C11orf52: variants seen among roughly 807,000 people sequenced by gnomAD.
The protein encoded by C11orf52 is chromosome 11 open reading frame 52.
A neutral mutation model predicts 11.7 loss-of-function variants in C11orf52; 9 were observed. That is an observed-to-expected ratio of 0.77 (90% confidence interval 0.46 to 1.34). C11orf52 has a LOEUF of 1.34. Among genes scored for constraint, C11orf52 ranks in the 40% most tolerant of loss-of-function variants. C11orf52 has a pLI of 0.00. For synonymous variants in C11orf52, 49 were observed against 57.4 expected, an observed-to-expected ratio of 0.85 and a Z score of 0.66; for missense variants, 139 against 154.8, an observed-to-expected ratio of 0.90 and a Z score of 0.54.
chr11:111,925,952 C>A lies in C11orf52; in HGVS notation c.133-8C>A. On this transcript the variant is annotated splice_polypyrimidine_tract_variant and splice_region_variant and intron_variant, in intron 3 of 3. Transcript: ENST00000278601. Reference sequence around the variant, plus strand: ...TGAATCTCCCTTAATGCTATCCATTCCTCGCAGGGCCATGAAACAACAGGA... The same window carrying A: ...TGAATCTCCCTTAATGCTATCCATTACTCGCAGGGCCATGAAACAACAGGA... 6.2e-7 allele frequency: 1 copy of A among 1,614,132 alleles called. No individual in the cohort carries two copies. The highest frequency in any genetic ancestry group is 1.6e-4 in the Middle Eastern group (1 of 6,062).
At position 111,926,106 on chromosome 11, in the gene C11orf52, A is replaced by G. The variant is rs782682090; in HGVS notation, c.279A>G (p.Lys93=). The G allele has an allele frequency of 1.2e-6, 2 of 1,614,088 alleles. No individual in the cohort carries two copies. Among genetic ancestry groups the G allele is most frequent in the African/African-American group, 2.7e-5 (2 of 74,932 alleles). The change falls in exon 4 of 4, where the codon AAA becomes AAG. Residue 93 remains lysine (K), a synonymous_variant. Coordinates refer to ENST00000278601, the MANE Select transcript of C11orf52 (RefSeq NM_080659.3). ...GCCGTCCCCATGCCCGGGAAGTGAA[A>G]CACGTGCATTTAGAAAACGCTACAG... ...VCSRPHAREV[K]HVHLENATEY...
intron 1 of C11orf52, among the ~76,000 whole-genome samples, chr11:111,922,829 T>C (rs1386992067): frequency 2.0e-5 from 3 of 152,260 alleles, no homozygotes; most frequent in African/African-American, 7.2e-5. Context: ...TACACATTTA[T>C]GTTTAAGGAT....
In C11orf52 at chr11:111,918,983, G is replaced by A. The variant is rs782058169; in HGVS notation, c.11G>A (p.Arg4Gln). 13 of 1,614,086 alleles carry A rather than the reference G, an allele frequency of 8.1e-6. No homozygotes were observed. The East Asian group carries it at 2.7e-4, about 33-fold the overall frequency. Residue 4 changes from arginine (R) to glutamine (Q), a missense_variant, in exon 1 of 4, where the codon CGG becomes CAG. Arg to Gln is a conservative substitution (Grantham distance 43, BLOSUM62 1). Coordinates refer to ENST00000278601, the MANE Select transcript of C11orf52 (RefSeq NM_080659.3). MGN[R>Q]VCCGGSWSCP... is the part of the protein sequence containing the mutation. ...TGGAGACAGAGCGCCATGGGAAACC[G>A]GGTCTGCTGCGGAGGAAGCTGGTGA... is the stretch of plus-strand genomic sequence containing the variant.
chr11:111,924,296 C>T, intron 1 of C11orf52, 30 bp from the exon 2 acceptor site: 1 of 1,610,406 alleles, frequency 6.2e-7, no homozygotes. Context: ...AGGGCTCTTG[C>T]ACATGGGTGA....
At chr11:111,920,704 C>T (rs1212776064) in intron 1 of C11orf52, among the ~76,000 whole-genome samples, 1 of 152,082 alleles carries the variant, frequency 6.6e-6, no homozygotes, top group East Asian at 1.9e-4. Context: ...GTAGAGGCTG[C>T]AGTGAACCAT....
At chr11:111,920,257 C>T (rs1421500108) in intron 1 of C11orf52, among the ~76,000 whole-genome samples, 2 of 151,820 alleles carry the variant, frequency 1.3e-5, no homozygotes, top group Non-Finnish European at 2.9e-5. Flanking sequence ...CAGAAGTGGT[C>T]GGATGCAGTG....
At chr11:111,920,582 A>G (rs1160221703) in intron 1 of C11orf52, among the ~76,000 whole-genome samples, 1 of 151,714 alleles carries the variant, frequency 6.6e-6, no homozygotes, top group Non-Finnish European at 1.5e-5. Context: ...TGGGCAACAT[A>G]GGGTGGCCCC....
Position 111,925,719 on chromosome 11 carries a change from T to G in C11orf52, c.132+5T>G. The G allele has an allele frequency of 6.2e-7, 1 of 1,614,168 alleles. No individual in the cohort carries two copies. Among genetic ancestry groups the G allele is most frequent in the Non-Finnish European group, 8.5e-7 (1 of 1,179,992 alleles). On this transcript the variant is annotated splice_donor_5th_base_variant and intron_variant, in intron 3 of 3. Transcript: ENST00000278601. ...CTGCAGCAGAATCTCCCAAAGGTAA[T>G]GACAGGTCTCTGTCCCCTCTCTGGG...
chr11:111,925,882 A>G (rs1288110515), intron 3 of C11orf52, 78 bp from the exon 4 acceptor site: 2 of 1,599,446 alleles, frequency 1.3e-6, no homozygotes, highest in African/African-American at 1.3e-5. Flanking sequence ...AAGGGACATC[A>G]GTTGACCTGC....
intron 2 of C11orf52, among the ~76,000 whole-genome samples, chr11:111,924,695 A>C (rs890470995): frequency 1.3e-5 from 2 of 152,262 alleles, no homozygotes; most frequent in African/African-American, 4.8e-5. Flanking sequence ...CAGCCCTGGA[A>C]GAGCTGAAAA....
chr11:111,918,929 C>G lies in C11orf52; in HGVS notation c.-44C>G. ...CAGGAACCCGGAAATGCACAAGCCT[C>G]TTGATGCATAAAAACAGCTGGGCTC... On this transcript the variant is annotated 5_prime_UTR_variant, in exon 1 of 4. Coordinates refer to ENST00000278601, the MANE Select transcript of C11orf52 (RefSeq NM_080659.3). 6.2e-7 allele frequency: 1 copy of G among 1,612,072 alleles called. No homozygotes were observed. Among genetic ancestry groups the G allele is most frequent in the Non-Finnish European group, 8.5e-7 (1 of 1,178,184 alleles).
At chr11:111,921,454 A>G (rs1965697405) in intron 1 of C11orf52, among the ~76,000 whole-genome samples, 2 of 152,204 alleles carry the variant, frequency 1.3e-5, no homozygotes, top group African/African-American at 4.8e-5. Context: ...CATCATGGAA[A>G]ATTTTACTCT....
At chr11:111,924,743 G>A (rs1358177513) in intron 2 of C11orf52, among the ~76,000 whole-genome samples, 2 of 152,202 alleles carry the variant, frequency 1.3e-5, no homozygotes, top group African/African-American at 2.4e-5. Context: ...ACAAACAGTT[G>A]TAATATCATC....
At chr11:111,920,119 C>T (rs1302861944) in intron 1 of C11orf52, among the ~76,000 whole-genome samples, 2 of 152,000 alleles carry the variant, frequency 1.3e-5, no homozygotes, top group Admixed American at 6.6e-5. Context: ...CCCTTGAACC[C>T]AGGAGACGGA....
At chr11:111,922,339 A>G (rs1318131969) in intron 1 of C11orf52, among the ~76,000 whole-genome samples, 1 of 152,190 alleles carries the variant, frequency 6.6e-6, no homozygotes, top group Non-Finnish European at 1.5e-5. Context: ...TTGTTATCTC[A>G]ATAAACCTCC....
Position 111,926,470 on chromosome 11 carries a change from C to T in C11orf52, c.*271C>T, listed in dbSNP as rs1965813976. 1 of 507,846 alleles carries T rather than the reference C, an allele frequency of 2.0e-6. No individual in the cohort carries two copies. The highest frequency in any genetic ancestry group is 3.5e-6 in the Non-Finnish European group (1 of 282,870). 31.5% of individuals were successfully genotyped at this position (507,846 alleles called of 1,614,324 possible). Reference sequence around the variant, plus strand: ...AGGTGGAGTGTGCAGGGAGGTAGGTCTTCGACCCCACCATTGTTGCTCCTG... The same window carrying T: ...AGGTGGAGTGTGCAGGGAGGTAGGTTTTCGACCCCACCATTGTTGCTCCTG... On this transcript the variant is annotated 3_prime_UTR_variant, in exon 4 of 4. Coordinates refer to ENST00000278601, the MANE Select transcript of C11orf52 (RefSeq NM_080659.3).
intron 1 of C11orf52, chr11:111,919,208 C>G: frequency 1.6e-6 from 1 of 617,398 alleles, no homozygotes; most frequent in Non-Finnish European, 2.9e-6. Context: ...GGCGCGGTGG[C>G]TCACGCCTCT....
At chr11:111,922,979 T>C (rs1382221043) in intron 1 of C11orf52, among the ~76,000 whole-genome samples, 2 of 152,238 alleles carry the variant, frequency 1.3e-5, no homozygotes, top group Non-Finnish European at 2.9e-5. Flanking sequence ...GAATACTCAC[T>C]CCATTTGGGT....
intron 1 of C11orf52, among the ~76,000 whole-genome samples, chr11:111,919,778 G>T (rs587621249): frequency 6.6e-6 from 1 of 152,316 alleles, no homozygotes; most frequent in Admixed American, 6.5e-5. Flanking sequence ...AGGTCACATG[G>T]CTGGTAAGCA....
Sources: gnomAD v4.1 joint callset for allele counts (sites outside exome capture counted in the v4.1 genomes callset) on GRCh38, gnomAD v4.1.1 for gene constraint, MANE v1.5 for transcripts, NCBI Gene and HGNC (gene_info 2026-07-23, HGNC 2026-07-21) for gene names.